Variants in RSPH9 observed in about 807,000 individuals in gnomAD.
The protein encoded by RSPH9 is radial spoke head protein 9 homolog.
Under a neutral mutation model 27.0 loss-of-function variants are expected in RSPH9, and 27 were observed. That is an observed-to-expected ratio of 1.00 (90% CI 0.74 to 1.38). The LOEUF is 1.38. Ranked by LOEUF, RSPH9 falls within the 40% of genes most tolerant of loss-of-function variation. RSPH9 has a pLI of 0.00. For missense variants in RSPH9, 347 were observed against 357.4 expected (o/e 0.97, Z 0.24); for synonymous variants, 145 against 147.7 (o/e 0.98, Z 0.13).
At chr6:43,667,100 A>G (rs765604249) in intron 4 of RSPH9, among the ~76,000 whole-genome samples, 1 of 152,164 alleles carries the variant, frequency 6.6e-6, no homozygotes, top group Non-Finnish European at 1.5e-5. Flanking sequence ...AACATCCACT[A>G]TATCAGCAAA....
intron 3 of RSPH9, among the ~76,000 whole-genome samples, chr6:43,656,004 C>G (rs1389648588): frequency 7.7e-6 from 1 of 129,334 alleles, no homozygotes; most frequent in African/African-American, 3.6e-5. Flanking sequence ...TTCCTTCCTT[C>G]CTTCCTTCCT....
At position 43,645,179 on chromosome 6, in the gene RSPH9, G is replaced by T. The variant is rs749524314; in HGVS notation, c.81G>T (p.Ser27=). The T allele has an allele frequency of 6.2e-7, 1 of 1,613,742 alleles. No individual in the cohort carries two copies. Among genetic ancestry groups the T allele is most frequent in the South Asian group, 1.1e-5 (1 of 91,090 alleles). Residue 27 remains serine, a synonymous_variant, in exon 1 of 5, where the codon TCG becomes TCT. Transcript: ENST00000372163. ...GQGLSPDRRA[S]LLTSLMLVKR... Reference sequence around the variant, plus strand: ...GCCTCAGCCCGGACCGTCGGGCCTCGCTGCTCACGTCTCTTATGCTGGTTA... The same window carrying T: ...GCCTCAGCCCGGACCGTCGGGCCTCTCTGCTCACGTCTCTTATGCTGGTTA...
At chr6:43,652,659 C>T (rs570676220) in intron 2 of RSPH9, among the ~76,000 whole-genome samples, 242 of 150,816 alleles carry the variant, frequency 1.6e-3, no homozygotes, top group African/African-American at 5.5e-3. Flanking sequence ...CTCCTGACCT[C>T]GGGTGATCCG....
intron 4 of RSPH9, among the ~76,000 whole-genome samples, chr6:43,668,252 A>C (rs1011117263): frequency 1.3e-5 from 2 of 152,106 alleles, no homozygotes; most frequent in Admixed American, 6.6e-5. Context: ...AGGTGACAGC[A>C]AGTGCTTGGC....
intron 1 of RSPH9, 38 bp downstream of exon 1, chr6:43,645,363 CTACCT>C: frequency 1.2e-6 from 1 of 816,152 alleles, no homozygotes; most frequent in Non-Finnish European, 1.8e-6. Context: ...CAGAGGGTGG[CTACCT>C]GGAGGCAGGG....
intron 4 of RSPH9, among the ~76,000 whole-genome samples, chr6:43,659,238 T>TTG (rs1772350781): frequency 6.6e-6 from 1 of 151,960 alleles, no homozygotes; most frequent in African/African-American, 2.4e-5. Context: ...TTTTTTTTTT[T>TTG]GGAGATGGAG....
rs1561947914 is a variant in RSPH9 at position 43,671,712 on chromosome 6, C to T, written c.*763C>T. 1 of 1,611,354 alleles carries T rather than the reference C, an allele frequency of 6.2e-7. No individual in the cohort carries two copies. The highest frequency in any genetic ancestry group is 8.5e-7 in the Non-Finnish European group (1 of 1,178,054). ...TGGCCAAGGGCTTGTGAGTGGGCCTCCTACTCCCCAGCACAGGTGCAGGAG... is the reference window on the plus strand; with the variant it reads ...TGGCCAAGGGCTTGTGAGTGGGCCTTCTACTCCCCAGCACAGGTGCAGGAG... On this transcript the variant is annotated 3_prime_UTR_variant, in exon 5 of 5. Transcript: ENST00000372163.
At chr6:43,656,891 C>G (rs747433311) in intron 4 of RSPH9, among the ~76,000 whole-genome samples, 168 bp downstream of exon 4, 31 of 152,230 alleles carry the variant, frequency 2.0e-4, no homozygotes, top group Non-Finnish European at 4.6e-4. Context: ...TTATAGTACA[C>G]ACTGATGAGT....
Position 43,671,891 on chromosome 6 carries a change from C to T in RSPH9, c.*942C>T. On this transcript the variant is annotated 3_prime_UTR_variant, in exon 5 of 5. Transcript: ENST00000372163. ...AGATGGGCTTGACGGAGCCAGGAGC[C>T]CAGCGCGTCAGGTACCTGTGGAGGG... 1 of 1,611,132 alleles carries T rather than the reference C, an allele frequency of 6.2e-7. No homozygotes were observed. Among genetic ancestry groups the T allele is most frequent in the Non-Finnish European group, 8.5e-7 (1 of 1,178,544 alleles).
intron 1 of RSPH9, among the ~76,000 whole-genome samples, chr6:43,650,136 A>G (rs1433347134): frequency 6.6e-6 from 1 of 152,168 alleles, no homozygotes; most frequent in Non-Finnish European, 1.5e-5. Flanking sequence ...CTGGTCTGAA[A>G]GTCCTAACCT....
Position 43,671,910 on chromosome 6 carries a change from T to C in RSPH9, c.*961T>C, listed in dbSNP as rs1773724134. Reference sequence around the variant, plus strand: ...AGGAGCCCAGCGCGTCAGGTACCTGTGGAGGGAGAACAAAGAGGTGCCTGT... The same window carrying C: ...AGGAGCCCAGCGCGTCAGGTACCTGCGGAGGGAGAACAAAGAGGTGCCTGT... On this transcript the variant is annotated 3_prime_UTR_variant, in exon 5 of 5. Transcript: ENST00000372163. The C allele has an allele frequency of 6.3e-7, 1 of 1,598,576 alleles. No homozygotes were observed. The highest frequency in any genetic ancestry group is 8.5e-7 in the Non-Finnish European group (1 of 1,172,158).
rs758225342 is a variant in RSPH9 at position 43,670,832 on chromosome 6, G to A, written c.714G>A (p.Val238=). Residue 238 remains valine, a synonymous_variant, in exon 5 of 5, where the codon GTG becomes GTA. Transcript: ENST00000372163. ...IQMERGNALV[V]LRSLLWPGLT... is the part of the protein sequence containing the mutation. ...TGGAGAGGGGCAATGCCCTGGTGGT[G>A]CTGCGCAGCCTGCTCTGGCCGGGCC... The A allele has an allele frequency of 6.2e-7, 1 of 1,614,206 alleles. No homozygotes were observed. Among genetic ancestry groups the A allele is most frequent in the Non-Finnish European group, 8.5e-7 (1 of 1,180,046 alleles).
intron 3 of RSPH9, among the ~76,000 whole-genome samples, 168 bp downstream of exon 3, chr6:43,655,859 G>T (rs563502110): frequency 6.6e-6 from 1 of 152,268 alleles, no homozygotes. Flanking sequence ...CCAGTGGTCG[G>T]TATGGGCTCC....
Position 43,650,539 on chromosome 6 carries a change from T to G in RSPH9, c.392T>G (p.Val131Gly). ...GAAAAAGTCTTTGAAGAAGAAATAGTGGTGAGTGAAGAGGAGAGCAGGAGG... is the reference window on the plus strand; with the variant it reads ...GAAAAAGTCTTTGAAGAAGAAATAGGGGTGAGTGAAGAGGAGAGCAGGAGG... ...EGEKVFEEEI[V>G]VQIKEETRLV... The change falls in exon 2 of 5, where the codon GTG becomes GGG. Residue 131 changes from valine to glycine, a missense_variant and splice_region_variant. Physicochemically the swap from Val to Gly is moderately radical, Grantham distance 109. Coordinates refer to ENST00000372163, the MANE Select transcript of RSPH9 (RefSeq NM_152732.5). 1 of 1,613,710 alleles carries G rather than the reference T, an allele frequency of 6.2e-7. No individual in the cohort carries two copies.
rs535131455 is a variant in RSPH9 at position 43,654,991 on chromosome 6, T to A, written c.394-571T>A. On this transcript the variant is annotated intron_variant, in intron 2 of 4. Coordinates refer to ENST00000372163, the MANE Select transcript of RSPH9 (RefSeq NM_152732.5). ...TTGTGCCACTGCCCTCCAGCCTGGA[T>A]GATAGAGTGAGACCCTGTCTCAAAA... Among the ~76,000 whole-genome samples the A allele has an allele frequency of 2.1e-4, 32 of 152,172 alleles. 1 individual carries two copies. Among genetic ancestry groups the A allele is most frequent in the African/African-American group, 7.5e-4 (31 of 41,516 alleles).
At chr6:43,662,144 G>T (rs916695427) in intron 4 of RSPH9, among the ~76,000 whole-genome samples, 1 of 152,138 alleles carries the variant, frequency 6.6e-6, no homozygotes, top group Admixed American at 6.5e-5. Context: ...CTCCCAAAGT[G>T]CTAGGATTAC....
In RSPH9 at chr6:43,647,095, G is replaced by A. The variant is rs76084241; in HGVS notation, c.227+1770G>A. Among the ~76,000 whole-genome samples, 850 of 144,214 alleles carry A rather than the reference G, an allele frequency of 5.9e-3. 9 individuals are homozygous for A. The highest frequency in any genetic ancestry group is 0.02 in the African/African-American group (806 of 40,822). 94.6% of individuals were successfully genotyped at this position (144,214 alleles called of 152,430 possible). Reference sequence around the variant, plus strand: ...GCAGTTAACTATGGATCACTACTGCGCTCCAGCCTGGTGACAGAGCGAGAC... The same window carrying A: ...GCAGTTAACTATGGATCACTACTGCACTCCAGCCTGGTGACAGAGCGAGAC... On this transcript the variant is annotated intron_variant, in intron 1 of 4. Coordinates refer to ENST00000372163, the MANE Select transcript of RSPH9 (RefSeq NM_152732.5).
chr6:43,645,144 A>G lies in RSPH9; in HGVS notation c.46A>G (p.Ser16Gly), dbSNP rs754614708. The change falls in exon 1 of 5, where the codon AGT becomes GGT. Residue 16 changes from serine (S) to glycine (G), a missense_variant. Transcript: ENST00000372163. ...LLLSLELASG[S>G]GQGLSPDRRA... The stretch of plus-strand genomic sequence containing the variant: ...GCTGTCTCTGGAGCTGGCGTCCGGC[A>G]GTGGGCAGGGCCTCAGCCCGGACCG... 9.9e-6 allele frequency: 16 copies of G among 1,613,378 alleles called. No homozygotes were observed. The highest frequency in any genetic ancestry group is 3.3e-4 in the Middle Eastern group (2 of 6,060).
rs1353603430 is a variant in RSPH9 at position 43,671,554 on chromosome 6, T to C, written c.*605T>C. On this transcript the variant is annotated 3_prime_UTR_variant, in exon 5 of 5. Transcript: ENST00000372163. Reference sequence around the variant, plus strand: ...CATAGCAGCTGGCAAGGGACCCAACTGCCCTGCCTGCCTCTAGCTCCCAGC... The same window carrying C: ...CATAGCAGCTGGCAAGGGACCCAACCGCCCTGCCTGCCTCTAGCTCCCAGC... 1 of 612,056 alleles carries C rather than the reference T, an allele frequency of 1.6e-6. No individual in the cohort carries two copies. The highest frequency in any genetic ancestry group is 2.9e-6 in the Non-Finnish European group (1 of 350,712). 37.9% of individuals were successfully genotyped at this position (612,056 alleles called of 1,614,324 possible). A position where few individuals can be genotyped will look rare whatever the true frequency, so the allele number is the denominator to read the frequency against.
Sources: gnomAD v4.1 joint callset for allele counts (sites outside exome capture counted in the v4.1 genomes callset) on GRCh38, gnomAD v4.1.1 for gene constraint, MANE v1.5 for transcripts, NCBI Gene and HGNC (gene_info 2026-07-23, HGNC 2026-07-21) for gene names.